Variants in MAMLD1 observed in about 807,000 individuals in gnomAD.
MAMLD1 encodes the protein mastermind like domain containing 1, also known as mastermind-like domain-containing protein 1.
A neutral mutation model predicts 45.0 loss-of-function variants in MAMLD1; 14 were observed. The ratio of observed to expected loss-of-function variants is 0.31; its 90% CI spans 0.21 to 0.49. MAMLD1 has a LOEUF of 0.49. Ranked by LOEUF, MAMLD1 falls within the 20% of genes least tolerant of loss-of-function variation. The pLI is 0.99. For missense variants in MAMLD1, 543 were observed against 603.6 expected, an observed-to-expected ratio of 0.90 and a Z score of 1.05; for synonymous variants, 254 against 247.8, an observed-to-expected ratio of 1.02 and a Z score of -0.24.
At chrX:150,414,028 CA>C (rs56866886) in intron 1 of MAMLD1, among the ~76,000 whole-genome samples, 1,666 of 31,294 alleles carry the variant, frequency 0.053, 34 homozygotes, top group Non-Finnish European at 0.066. Flanking sequence ...CAGAAAACTG[CA>C]AAAAAAAAAA....
intron 5 of MAMLD1, among the ~76,000 whole-genome samples, chrX:150,500,298 G>T (rs1445750349): frequency 8.9e-6 from 1 of 111,919 alleles, no homozygotes; most frequent in African/African-American, 3.3e-5. Context: ...ACAGAGGGCC[G>T]ACCACACATG....
intron 5 of MAMLD1, among the ~76,000 whole-genome samples, chrX:150,477,737 G>A (rs1354666538): frequency 8.9e-6 from 1 of 111,803 alleles, no homozygotes; most frequent in Non-Finnish European, 1.9e-5. Context: ...ACTTTAGGTG[G>A]GCAGAGAGGA....
At chrX:150,469,653 C>CTGTGTGTGTGTGTGTGTGTG (rs1557406178) in intron 3 of MAMLD1, 92 bp from the exon 4 acceptor site, 1 of 458,623 alleles carries the variant, frequency 2.2e-6, no homozygotes, top group African/African-American at 3.0e-5. Flanking sequence ...CTCTCTCTCT[C>CTGTGTGTGTGTGTGTGTGTG]TCTGTGTGTG....
At chrX:150,423,151 G>A (rs1400821438) in intron 1 of MAMLD1, among the ~76,000 whole-genome samples, 1 of 111,890 alleles carries the variant, frequency 8.9e-6, no homozygotes, top group Non-Finnish European at 1.9e-5. Context: ...TGGTATGACT[G>A]GCACCTGGGC....
chrX:150,427,583 C>T (rs2034756671), intron 1 of MAMLD1, among the ~76,000 whole-genome samples: 1 of 101,928 alleles, frequency 9.8e-6, no homozygotes, highest in African/African-American at 3.4e-5. Context: ...CTCATCCTCA[C>T]CCTATCCAGG....
rs1211421679 is a variant in MAMLD1 at position 150,504,041 on chromosome X, G to A, written c.2284+524G>A. 11 of 752,689 alleles carry A rather than the reference G, an allele frequency of 1.5e-5. No individual in the cohort carries two copies. The Admixed American group carries it at 2.6e-4, about 18-fold the overall frequency. 62.0% of individuals were successfully genotyped at this position (752,689 alleles called of 1,213,427 possible). ...CCGCCCAGGACTCCCACACCCTAGA[G>A]GCAGGAAGTTGGATTGCCCTGCTGG... On this transcript the variant is annotated intron_variant, in intron 6 of 7. Transcript: ENST00000370401.
chrX:150,477,927 A>C (rs1020600502), intron 5 of MAMLD1, among the ~76,000 whole-genome samples: 5 of 111,555 alleles, frequency 4.5e-5, no homozygotes, highest in African/African-American at 1.6e-4. Flanking sequence ...CTGGTCCTGC[A>C]TAGTCATGGC....
chrX:150,455,579 G>A (rs782544757), intron 2 of MAMLD1, among the ~76,000 whole-genome samples: 1 of 111,198 alleles, frequency 9.0e-6, no homozygotes, highest in African/African-American at 3.3e-5. Context: ...AATTTACGAA[G>A]GCTTTACTTT....
chrX:150,494,371 G>A (rs1242469595), intron 5 of MAMLD1, among the ~76,000 whole-genome samples: 1 of 111,608 alleles, frequency 9.0e-6, no homozygotes, highest in East Asian at 2.8e-4. Context: ...TCCAGCCTGG[G>A]AGACAGAGCA....
chrX:150,495,396 C>A (rs1394733299), intron 5 of MAMLD1, among the ~76,000 whole-genome samples: 2 of 112,248 alleles, frequency 1.8e-5, no homozygotes, highest in African/African-American at 6.5e-5. Flanking sequence ...CCACCACCAT[C>A]AGGACACTAG....
chrX:150,420,767 G>A (rs1296643561), intron 1 of MAMLD1, among the ~76,000 whole-genome samples: 1 of 112,480 alleles, frequency 8.9e-6, no homozygotes, highest in African/African-American at 3.2e-5. Flanking sequence ...AGGGGTCAGG[G>A]ACCCACTTGA....
intron 7 of MAMLD1, among the ~76,000 whole-genome samples, chrX:150,510,546 G>T (rs1445956233): frequency 8.9e-6 from 1 of 112,180 alleles, no homozygotes; most frequent in African/African-American, 3.2e-5. Flanking sequence ...TAGATAGCAG[G>T]GGTCCCCACC....
At chrX:150,461,617 A>G (rs1228374199) in intron 2 of MAMLD1, among the ~76,000 whole-genome samples, 4 of 112,092 alleles carry the variant, frequency 3.6e-5, no homozygotes, top group Non-Finnish European at 7.5e-5. Context: ...GGAGACTGCA[A>G]TGAGGAGGCT....
intron 1 of MAMLD1, among the ~76,000 whole-genome samples, chrX:150,364,860 G>T (rs974768129): frequency 1.8e-5 from 2 of 113,051 alleles, no homozygotes; most frequent in African/African-American, 6.4e-5. Flanking sequence ...CGCCCCCAGC[G>T]GCCCCGGCCC....
At chrX:150,456,842 G>C (rs990036600) in intron 2 of MAMLD1, among the ~76,000 whole-genome samples, 2 of 112,523 alleles carry the variant, frequency 1.8e-5, no homozygotes, top group African/African-American at 6.5e-5. Flanking sequence ...CTGGGCCGGA[G>C]GGGCTGGGAG....
rs782391716 is a variant in MAMLD1, at chrX:150,481,217, CTT to C, written c.2040+7417_2040+7418del. Among the ~76,000 whole-genome samples the C allele has an allele frequency of 2.5e-4, 28 of 113,246 alleles. 1 individual carries two copies. The South Asian group carries it at 1.0e-2, about 40-fold the overall frequency. On this transcript the variant is annotated intron_variant, in intron 5 of 7. Transcript: ENST00000370401. ...TGGGAATGATTCCATGACCCTTTCC[CTT>C]TATCTGGCAATCCTTTCAAAGATGA...
rs1430021984 is a variant in MAMLD1 at position 150,512,193 on chromosome X, T to A, written c.*234T>A. On this transcript the variant is annotated 3_prime_UTR_variant, in exon 8 of 8. Coordinates refer to ENST00000370401, the MANE Select transcript of MAMLD1 (RefSeq NM_005491.5). ...CCAACTCTGGGGAAGCGGCAAGGAATTTTCACCTCCAGCCCCCAGTGTCCC... is the reference window on the plus strand; with the variant it reads ...CCAACTCTGGGGAAGCGGCAAGGAAATTTCACCTCCAGCCCCCAGTGTCCC... 2 of 1,134,292 alleles carry A rather than the reference T, an allele frequency of 1.8e-6. No individual in the cohort carries two copies. The highest frequency in any genetic ancestry group is 6.6e-5 in the East Asian group (2 of 30,412). 93.5% of individuals were successfully genotyped at this position (1,134,292 alleles called of 1,213,427 possible).
At chrX:150,463,620 A>T (rs1557405734) in intron 3 of MAMLD1, among the ~76,000 whole-genome samples, 1 of 112,203 alleles carries the variant, frequency 8.9e-6, no homozygotes, top group African/African-American at 3.2e-5. Flanking sequence ...GTTCTAGAAC[A>T]CTGCCCACCC....
At chrX:150,370,219 C>T (rs951114195) in intron 1 of MAMLD1, among the ~76,000 whole-genome samples, 4 of 109,906 alleles carry the variant, frequency 3.6e-5, no homozygotes, top group East Asian at 2.9e-4. Context: ...CCTCTCACAA[C>T]GCCACCGAGG....
Sources: allele counts gnomAD v4.1 joint callset (sites outside exome capture counted in the v4.1 genomes callset), GRCh38; gene constraint gnomAD v4.1.1; transcripts MANE v1.5; gene names NCBI Gene and HGNC (gene_info 2026-07-23, HGNC 2026-07-21).